Variants in PRKCE observed in about 807,000 individuals in gnomAD.
PRKCE encodes protein kinase C epsilon, also known as protein kinase C epsilon type.
A neutral mutation model predicts 85.4 loss-of-function variants in PRKCE; 16 were observed. The ratio of observed to expected loss-of-function variants is 0.19; its 90% CI spans 0.13 to 0.28. The LOEUF is 0.28. PRKCE is among the 10% of genes least tolerant of loss of function. PRKCE has a pLI of 1.00. For missense variants in PRKCE, 573 were observed against 975.2 expected, an observed-to-expected ratio of 0.59 and a Z score of 5.49; for synonymous variants, 388 against 371.5, an observed-to-expected ratio of 1.04 and a Z score of -0.51.
At chr2:46,160,933 G>A (rs571698872) in intron 14 of PRKCE, among the ~76,000 whole-genome samples, 174 of 152,354 alleles carry the variant, frequency 1.1e-3, no homozygotes, top group African/African-American at 3.7e-3. Flanking sequence ...ACGTGGGGTT[G>A]AACATCCCCG....
intron 2 of PRKCE, among the ~76,000 whole-genome samples, chr2:45,894,930 C>A (rs965230579): frequency 6.6e-6 from 1 of 152,160 alleles, no homozygotes; most frequent in Non-Finnish European, 1.5e-5. Context: ...GCCATGTTGG[C>A]CAGGCTGGTC....
In PRKCE at chr2:45,900,445, G is replaced by A. The variant is rs1461415562; in HGVS notation, c.412+57382G>A. On this transcript the variant is annotated intron_variant, in intron 2 of 14. Coordinates refer to ENST00000306156, the MANE Select transcript of PRKCE (RefSeq NM_005400.3). ...AATATTATTCACCCCCAAAAGGAGGGGAATTCTGATACATGCTACGCCATG... is the reference window on the plus strand; with the variant it reads ...AATATTATTCACCCCCAAAAGGAGGAGAATTCTGATACATGCTACGCCATG... 2.0e-5 allele frequency among the ~76,000 whole-genome samples: 3 copies of A among 152,206 alleles called. No homozygotes were observed. In the East Asian group the frequency reaches 5.8e-4, roughly 29 times the overall value.
chr2:45,984,784 C>A, intron 6 of PRKCE, 104 bp downstream of exon 6: 1 of 1,481,324 alleles, frequency 6.8e-7, no homozygotes, highest in Non-Finnish European at 9.0e-7. Flanking sequence ...CCAGATTTGG[C>A]CAAGAACTGA....
intron 10 of PRKCE, among the ~76,000 whole-genome samples, chr2:46,046,761 C>T (rs966452156): frequency 9.9e-5 from 15 of 152,166 alleles, no homozygotes; most frequent in African/African-American, 3.6e-4. Flanking sequence ...AAGACCCCTT[C>T]AGGAATCCTC....
At chr2:46,173,077 C>T (rs1012276630) in intron 14 of PRKCE, among the ~76,000 whole-genome samples, 3 of 152,242 alleles carry the variant, frequency 2.0e-5, no homozygotes, top group Non-Finnish European at 2.9e-5. Flanking sequence ...TCCTTTGAGG[C>T]AGGGGTCTGC....
intron 1 of PRKCE, among the ~76,000 whole-genome samples, chr2:45,824,221 A>G (rs1240049063): frequency 6.6e-6 from 1 of 152,258 alleles, no homozygotes; most frequent in African/African-American, 2.4e-5. Flanking sequence ...TAACACAATT[A>G]GTTCCATTAA....
At chr2:45,883,088 A>C (rs1048856024) in intron 2 of PRKCE, among the ~76,000 whole-genome samples, 2 of 152,208 alleles carry the variant, frequency 1.3e-5, no homozygotes, top group African/African-American at 2.4e-5. Flanking sequence ...TCTATCTTCA[A>C]ATTCACATTG....
chr2:46,178,324 A>C (rs1181111613), intron 14 of PRKCE, among the ~76,000 whole-genome samples: 2 of 152,274 alleles, frequency 1.3e-5, no homozygotes, highest in Non-Finnish European at 2.9e-5. Flanking sequence ...CCAGTGCCAG[A>C]TGACCCCTCT....
At chr2:45,674,669 G>A (rs528414928) in intron 1 of PRKCE, 1 of 152,346 alleles carries the variant, frequency 6.6e-6, no homozygotes, top group African/African-American at 2.4e-5. Context: ...TTATGGCACA[G>A]CCCAAAGCAC....
rs1445729358 is a variant in PRKCE, at chr2:46,139,747, G to A, written c.1593-5346G>A. 6.6e-6 allele frequency among the ~76,000 whole-genome samples: 1 copy of A among 151,648 alleles called. No individual in the cohort carries two copies. On this transcript the variant is annotated intron_variant, in intron 11 of 14. Transcript: ENST00000306156. This position sits in a 1 kb window ranked among gnomAD's most constrained non-coding sequence, Gnocchi z 5.2. Reference sequence around the variant, plus strand: ...ATACATATATATCTAGAGAGAGAGAGAGAGAATATATAGAAGGAGGAAAGA... The same window carrying A: ...ATACATATATATCTAGAGAGAGAGAAAGAGAATATATAGAAGGAGGAAAGA...
chr2:45,973,204 T>C (rs746021662), intron 2 of PRKCE, among the ~76,000 whole-genome samples: 1 of 152,244 alleles, frequency 6.6e-6, no homozygotes, highest in African/African-American at 2.4e-5. Flanking sequence ...AGGGAGGTTC[T>C]TGGGGACTGA....
At chr2:45,777,470 C>T (rs750692770) in intron 1 of PRKCE, among the ~76,000 whole-genome samples, 12 of 151,934 alleles carry the variant, frequency 7.9e-5, no homozygotes, top group Non-Finnish European at 1.8e-4. Flanking sequence ...AAGGCAGTGG[C>T]GCCCACGAGC....
intron 1 of PRKCE, among the ~76,000 whole-genome samples, chr2:45,744,522 T>G (rs1272152850): frequency 2.5e-5 from 1 of 40,192 alleles, no homozygotes; most frequent in Admixed American, 2.1e-4. Flanking sequence ...CTTTCTTTCT[T>G]TCTTTTTCTT....
intron 11 of PRKCE, among the ~76,000 whole-genome samples, chr2:46,099,553 AT>A (rs1214611563): frequency 2.0e-5 from 3 of 149,186 alleles, no homozygotes; most frequent in Non-Finnish European, 4.4e-5. Flanking sequence ...GCTTCAGATC[AT>A]TTTTCCTGGC....
chr2:46,174,075 ATG>A, intron 14 of PRKCE, among the ~76,000 whole-genome samples: 2 of 152,338 alleles, frequency 1.3e-5, no homozygotes, highest in South Asian at 2.1e-4. Flanking sequence ...GAAAATAGAT[ATG>A]TGTGTCTACT....
chr2:46,175,387 G>A (rs918460542), intron 14 of PRKCE, among the ~76,000 whole-genome samples: 2 of 152,212 alleles, frequency 1.3e-5, no homozygotes, highest in African/African-American at 2.4e-5. Context: ...AATTCTGTTT[G>A]TTCTAACCAT....
At chr2:45,777,245 G>C (rs61634930) in intron 1 of PRKCE, among the ~76,000 whole-genome samples, 5,721 of 152,236 alleles carry the variant, frequency 0.038, 137 homozygotes, top group African/African-American at 0.074. Flanking sequence ...TTCTTGAGAA[G>C]GTAAGTTTGA....
intron 1 of PRKCE, among the ~76,000 whole-genome samples, chr2:45,767,102 A>G (rs1000404236): frequency 8.5e-5 from 13 of 152,068 alleles, no homozygotes; most frequent in Non-Finnish European, 1.5e-4. Context: ...GTCATGTTCT[A>G]CTTTGGTCTT....
intron 2 of PRKCE, among the ~76,000 whole-genome samples, chr2:45,920,165 A>G (rs1244647325): frequency 6.6e-6 from 1 of 152,212 alleles, no homozygotes; most frequent in Admixed American, 6.5e-5. Flanking sequence ...CTCTCAATCA[A>G]ACTCCTGTTT....
Sources: allele counts gnomAD v4.1 joint callset (sites outside exome capture counted in the v4.1 genomes callset), GRCh38; gene constraint gnomAD v4.1.1; non-coding constraint Gnocchi (gnomAD v3.1); transcripts MANE v1.5; gene names NCBI Gene and HGNC (gene_info 2026-07-23, HGNC 2026-07-21).